CRIP2: variants seen among roughly 807,000 people sequenced by gnomAD.
The protein encoded by CRIP2 is cysteine-rich protein 2.
Under a neutral mutation model 31.3 loss-of-function variants are expected in CRIP2, and 31 were observed. That is an observed-to-expected ratio of 0.99 (90% CI 0.74 to 1.34). The LOEUF (loss-of-function observed/expected upper bound fraction) is 1.34, where lower values mean the gene tolerates loss of function less well. CRIP2 is among the 40% of genes most tolerant of loss of function. The probability of loss-of-function intolerance (pLI) is 0.00; values close to 1 mark genes in which losing one functional copy is unlikely to be tolerated. For synonymous variants in CRIP2, 177 were observed against 127.2 expected, an observed-to-expected ratio of 1.39 and a Z score of -2.63; for missense variants, 389 against 301.6, an observed-to-expected ratio of 1.29 and a Z score of -2.15.
chr14:105,479,741 C>A lies in CRIP2; in HGVS notation c.*88C>A. ...TTGGCTCTGCTGGGAGAGTGCTCAGCCGCCCAGTCCTGCCTGCAAGCCCAG... is the reference window on the plus strand; with the variant it reads ...TTGGCTCTGCTGGGAGAGTGCTCAGACGCCCAGTCCTGCCTGCAAGCCCAG... On this transcript the variant is annotated 3_prime_UTR_variant, in exon 8 of 8. Transcript: ENST00000329146. 2.9e-6 allele frequency: 4 copies of A among 1,399,424 alleles called. No homozygotes were observed. Among genetic ancestry groups the A allele is most frequent in the Non-Finnish European group, 3.9e-6 (4 of 1,020,024 alleles). 86.7% of individuals were successfully genotyped at this position (1,399,424 alleles called of 1,614,324 possible).
At position 105,478,345 on chromosome 14, in the gene CRIP2, C is replaced by T. The variant is rs782099277; in HGVS notation, c.123C>T (p.Pro41=). Reference sequence around the variant, plus strand: ...AGCGCTGCAGCAAGACGCTGACGCCCGGGGGCCACGCCGAGGTGAGCCCCA... The same window carrying T: ...AGCGCTGCAGCAAGACGCTGACGCCTGGGGGCCACGCCGAGGTGAGCCCCA... ...KCERCSKTLT[P]GGHAEHDGKP... Residue 41 remains proline (P), a synonymous_variant, in exon 2 of 8, where the codon CCC becomes CCT. Transcript: ENST00000329146. This position sits in a 1 kb window ranked among gnomAD's most constrained non-coding sequence, Gnocchi z 4.9. 11 of 1,561,018 alleles carry T rather than the reference C, an allele frequency of 7.0e-6. No homozygotes were observed. Among genetic ancestry groups the T allele is most frequent in the Non-Finnish European group, 9.5e-6 (11 of 1,157,038 alleles).
At chr14:105,476,881 T>G in intron 1 of CRIP2, 1 of 578,378 alleles carries the variant, frequency 1.7e-6, no homozygotes, top group Non-Finnish European at 2.2e-6. Context: ...AGAGCCAGTA[T>G]TCACAGCCCT....
chr14:105,478,185 G>T lies in CRIP2; in HGVS notation c.44-81G>T, dbSNP rs1235079366. 2.6e-6 allele frequency: 3 copies of T among 1,146,398 alleles called. No individual in the cohort carries two copies. Among genetic ancestry groups the T allele is most frequent in the Admixed American group, 3.1e-5 (1 of 32,770 alleles). The allele number at this position is 1,146,398 out of a possible 1,614,324, so 71.0% of individuals were successfully genotyped here. A position where few individuals can be genotyped will look rare whatever the true frequency, so the allele number is the denominator to read the frequency against. ...AAAGTGGGGACCCCCGGAGCGCGTG[G>T]GGGTGGTGGCTGCCAGGTGGGGGCG... is the stretch of plus-strand genomic sequence containing the variant. On this transcript the variant is annotated intron_variant, in intron 1 of 7. Coordinates refer to ENST00000329146, the MANE Select transcript of CRIP2 (RefSeq NM_001312.4). The surrounding 1 kb of genome is among the most constrained non-coding windows in gnomAD (Gnocchi z 4.9).
In CRIP2 at chr14:105,478,142, C is replaced by T. The variant is rs2083989774; in HGVS notation, c.44-124C>T. On this transcript the variant is annotated intron_variant, in intron 1 of 7. Transcript: ENST00000329146. The surrounding 1 kb of genome is among the most constrained non-coding windows in gnomAD (Gnocchi z 4.9). ...CAGGGCCCGCCAGGTGGAAGGAAGG[C>T]GCCTGGGAGACCTCCTGAAAGTGGG... 8 of 717,756 alleles carry T rather than the reference C, an allele frequency of 1.1e-5. No individual in the cohort carries two copies. Among genetic ancestry groups the T allele is most frequent in the South Asian group, 9.8e-5 (5 of 50,776 alleles). 44.5% of individuals were successfully genotyped at this position (717,756 alleles called of 1,614,324 possible).
Position 105,478,900 on chromosome 14 carries a change from G to T in CRIP2, c.337+29G>T, listed in dbSNP as rs1244309630. On this transcript the variant is annotated intron_variant, in intron 4 of 7. Transcript: ENST00000329146. This position sits in a 1 kb window ranked among gnomAD's most constrained non-coding sequence, Gnocchi z 4.9. ...GGCTGGGCGCGGGCTGGGGCTGGGG[G>T]TTGTGGGCACGCGCGGGCTGGGGCT... 2.0e-6 allele frequency: 3 copies of T among 1,477,850 alleles called. No homozygotes were observed. The highest frequency in any genetic ancestry group is 1.8e-6 in the Non-Finnish European group (2 of 1,122,086). The allele number at this position is 1,477,850 out of a possible 1,614,324, so 91.5% of individuals were successfully genotyped here. A position where few individuals can be genotyped will look rare whatever the true frequency, so the allele number is the denominator to read the frequency against.
rs1256347693 is a variant in CRIP2 at position 105,478,182 on chromosome 14, G to C, written c.44-84G>C. 9.0e-7 allele frequency: 1 copy of C among 1,106,156 alleles called. No individual in the cohort carries two copies. Among genetic ancestry groups the C allele is most frequent in the South Asian group, 1.6e-5 (1 of 60,670 alleles). The allele number at this position is 1,106,156 out of a possible 1,614,324, so 68.5% of individuals were successfully genotyped here. Reference sequence around the variant, plus strand: ...CTGAAAGTGGGGACCCCCGGAGCGCGTGGGGGTGGTGGCTGCCAGGTGGGG... The same window carrying C: ...CTGAAAGTGGGGACCCCCGGAGCGCCTGGGGGTGGTGGCTGCCAGGTGGGG... On this transcript the variant is annotated intron_variant, in intron 1 of 7. Transcript: ENST00000329146. The surrounding 1 kb of genome is among the most constrained non-coding windows in gnomAD (Gnocchi z 4.9).
rs1555436493 is a variant in CRIP2 at position 105,478,729 on chromosome 14, A to G, written c.197-2A>G. 7.2e-6 allele frequency: 10 copies of G among 1,394,372 alleles called. No homozygotes were observed. In the Admixed American group the frequency reaches 2.1e-4, roughly 29 times the overall value. The allele number at this position is 1,394,372 out of a possible 1,614,324, so 86.4% of individuals were successfully genotyped here. On this transcript the variant is annotated splice_acceptor_variant, in intron 3 of 7. Coordinates refer to ENST00000329146, the MANE Select transcript of CRIP2 (RefSeq NM_001312.4). LOFTEE classifies it high-confidence loss of function. The surrounding 1 kb of genome is among the most constrained non-coding windows in gnomAD (Gnocchi z 4.9). ...CCCCGCCCCACGTACCCCCACCCGC[A>G]GGCGTGAACATCGGGGGCGCGGGCT...
chr14:105,476,267 G>GGCCT, intron 1 of CRIP2: 1 of 985,540 alleles, frequency 1.0e-6, no homozygotes. Flanking sequence ...AGCCCGGAAA[G>GGCCT]GCCTGCCTGC....
chr14:105,479,058 G>C lies in CRIP2; in HGVS notation c.406+11G>C. Reference sequence around the variant, plus strand: ...AGAAGGTGTACTTCGGTGAGTGCGCGCCCGGGCCCCGGACCCCCGCCCCCG... The same window carrying C: ...AGAAGGTGTACTTCGGTGAGTGCGCCCCCGGGCCCCGGACCCCCGCCCCCG... On this transcript the variant is annotated intron_variant, in intron 5 of 7. Transcript: ENST00000329146. 1 of 1,567,414 alleles carries C rather than the reference G, an allele frequency of 6.4e-7. No homozygotes were observed.
chr14:105,477,387 A>C, intron 1 of CRIP2: 2 of 985,038 alleles, frequency 2.0e-6, no homozygotes, highest in Non-Finnish European at 2.4e-6. Context: ...CGAGGAATCC[A>C]CAGACAGATG....
Position 105,474,838 on chromosome 14 carries a change from C to A in CRIP2, c.-25C>A. On this transcript the variant is annotated 5_prime_UTR_variant, in exon 1 of 8. Coordinates refer to ENST00000329146, the MANE Select transcript of CRIP2 (RefSeq NM_001312.4). The surrounding 1 kb of genome is among the most constrained non-coding windows in gnomAD (Gnocchi z 5.1). The stretch of plus-strand genomic sequence containing the variant: ...GGCCCGGAGGAGAACGGGCGGAGGG[C>A]GCGGGCCGACCGGGCGCACCGACCA... 6.8e-7 allele frequency: 1 copy of A among 1,462,596 alleles called. No homozygotes were observed. The highest frequency in any genetic ancestry group is 9.1e-7 in the Non-Finnish European group (1 of 1,100,344). 90.6% of individuals were successfully genotyped at this position (1,462,596 alleles called of 1,614,324 possible).
chr14:105,476,783 G>A (rs2083940779), intron 1 of CRIP2: 2 of 985,088 alleles, frequency 2.0e-6, no homozygotes, highest in Non-Finnish European at 2.4e-6. Flanking sequence ...TCTGGTCAGA[G>A]GGCTCTAAGC....
In CRIP2 at chr14:105,478,423, G is replaced by T. The variant is rs587720110; in HGVS notation, c.139-27G>T. On this transcript the variant is annotated intron_variant, in intron 2 of 7. Transcript: ENST00000329146. The surrounding 1 kb of genome is among the most constrained non-coding windows in gnomAD (Gnocchi z 4.9). Reference sequence around the variant, plus strand: ...CGCGACTCCCGCCACCCTCAGGCAGGGTCCTGACCCGCGCCCCTCTGCGCA... The same window carrying T: ...CGCGACTCCCGCCACCCTCAGGCAGTGTCCTGACCCGCGCCCCTCTGCGCA... The T allele has an allele frequency of 6.3e-7, 1 of 1,596,064 alleles. No homozygotes were observed. The highest frequency in any genetic ancestry group is 8.5e-7 in the Non-Finnish European group (1 of 1,175,106).
upstream of CRIP2, chr14:105,473,567 G>C: frequency 1.3e-6 from 2 of 1,501,548 alleles, no homozygotes; most frequent in Non-Finnish European, 1.8e-6. Flanking sequence ...AGGGTGTCCA[G>C]AGTCAGCTGC....
At chr14:105,475,242 C>CGGGCG (rs1163355161) in intron 1 of CRIP2, 9 of 248,900 alleles carry the variant, frequency 3.6e-5, no homozygotes, top group African/African-American at 1.6e-4. Flanking sequence ...CGGACGGCGC[C>CGGGCG]GGGCGGGGCG....
At position 105,479,064 on chromosome 14, in the gene CRIP2, GCCCCGGA is replaced by G. The variant is rs1218398644; in HGVS notation, c.406+22_406+28del. On this transcript the variant is annotated intron_variant, in intron 5 of 7. Coordinates refer to ENST00000329146, the MANE Select transcript of CRIP2 (RefSeq NM_001312.4). ...TGTACTTCGGTGAGTGCGCGCCCGG[GCCCCGGA>G]CCCCCGCCCCCGCCCCCGCCCCGGG... 6.4e-7 allele frequency: 1 copy of G among 1,565,782 alleles called. No homozygotes were observed. Among genetic ancestry groups the G allele is most frequent in the Admixed American group, 1.9e-5 (1 of 53,456 alleles).
chr14:105,478,189 T>C lies in CRIP2; in HGVS notation c.44-77T>C, dbSNP rs1595454484. The C allele has an allele frequency of 1.7e-6, 2 of 1,164,320 alleles. No homozygotes were observed. The highest frequency in any genetic ancestry group is 2.3e-6 in the Non-Finnish European group (2 of 866,044). The allele number at this position is 1,164,320 out of a possible 1,614,324, so 72.1% of individuals were successfully genotyped here. On this transcript the variant is annotated intron_variant, in intron 1 of 7. Coordinates refer to ENST00000329146, the MANE Select transcript of CRIP2 (RefSeq NM_001312.4). This position sits in a 1 kb window ranked among gnomAD's most constrained non-coding sequence, Gnocchi z 4.9. ...TGGGGACCCCCGGAGCGCGTGGGGG[T>C]GGTGGCTGCCAGGTGGGGGCGGAGG...
At chr14:105,476,743 G>C in intron 1 of CRIP2, 1 of 985,528 alleles carries the variant, frequency 1.0e-6, no homozygotes. Flanking sequence ...GCCTGCCCTG[G>C]TGTGTCCCAG....
At chr14:105,476,041 G>A in intron 1 of CRIP2, 1 of 985,596 alleles carries the variant, frequency 1.0e-6, no homozygotes, top group Non-Finnish European at 1.2e-6. Flanking sequence ...GGCCTGGAGT[G>A]CTTCTGGCGT....
Sources: gnomAD v4.1 joint callset for allele counts on GRCh38, gnomAD v4.1.1 for gene constraint, Gnocchi (gnomAD v3.1) non-coding constraint, MANE v1.5 for transcripts, NCBI Gene and HGNC (gene_info 2026-07-23, HGNC 2026-07-21) for gene names.